The following SINHCAF variants were observed in gnomAD, a reference collection of about 807,000 sequenced individuals.
The protein encoded by SINHCAF is SIN3-HDAC complex associated factor.
Under a neutral mutation model 25.8 loss-of-function variants are expected in SINHCAF, and 3 were observed. The ratio of observed to expected loss-of-function variants is 0.12; its 90% CI spans 0.05 to 0.30. SINHCAF has a LOEUF of 0.30. Among genes scored for constraint, SINHCAF ranks in the 10% least tolerant of loss-of-function variants. The pLI, the probability that SINHCAF is intolerant of heterozygous loss-of-function variation, is 1.00. For missense variants in SINHCAF, 121 were observed against 262.3 expected, an observed-to-expected ratio of 0.46 and a Z score of 3.72; for synonymous variants, 70 against 85.5, an observed-to-expected ratio of 0.82 and a Z score of 1.00.
chr12:31,324,972 G>T lies in SINHCAF; in HGVS notation c.-21+1052C>A, dbSNP rs774949889. ...CTGCCGGCCGGACCTGCCCGACGGCGGCCGCATCCCACGGCTCACGCGGGG... is the reference window on the plus strand; with the variant it reads ...CTGCCGGCCGGACCTGCCCGACGGCTGCCGCATCCCACGGCTCACGCGGGG... On this transcript the variant is annotated intron_variant, in intron 1 of 5. Coordinates refer to ENST00000337682, the MANE Select transcript of SINHCAF (RefSeq NM_001135812.2). The surrounding 1 kb of genome is among the most constrained non-coding windows in gnomAD (Gnocchi z 5.5). 8.8e-6 allele frequency: 4 copies of T among 456,606 alleles called. No individual in the cohort carries two copies. The highest frequency in any genetic ancestry group is 1.5e-5 in the South Asian group (1 of 64,550). 28.3% of individuals were successfully genotyped at this position (456,606 alleles called of 1,614,324 possible). A position where few individuals can be genotyped will look rare whatever the true frequency, so the allele number is the denominator to read the frequency against.
At chr12:31,298,324 T>C (rs1426927681) in intron 1 of SINHCAF, 100 bp from the exon 2 acceptor site, 1 of 1,400,146 alleles carries the variant, frequency 7.1e-7, no homozygotes, top group Non-Finnish European at 1.0e-6. Context: ...CAACTTGGTG[T>C]TATATGACCA....
chr12:31,314,456 G>A (rs1939418210), intron 1 of SINHCAF, among the ~76,000 whole-genome samples: 3 of 152,084 alleles, frequency 2.0e-5, no homozygotes, highest in South Asian at 4.1e-4. Context: ...AACCCGGGAG[G>A]CGGAGTTTGC....
Position 31,282,629 on chromosome 12 carries a change from A to C in SINHCAF, c.*83T>G. 7.8e-7 allele frequency: 1 copy of C among 1,284,246 alleles called. No individual in the cohort carries two copies. The highest frequency in any genetic ancestry group is 1.1e-6 in the Non-Finnish European group (1 of 941,614). The allele number at this position is 1,284,246 out of a possible 1,614,324, so 79.6% of individuals were successfully genotyped here. A position where few individuals can be genotyped will look rare whatever the true frequency, so the allele number is the denominator to read the frequency against. ...AAGAGCAAAACTCCGTCTCAAAAAAAAAAGAGGGTCAGTTTGTAGCTTTGT... is the reference window on the plus strand; with the variant it reads ...AAGAGCAAAACTCCGTCTCAAAAAACAAAGAGGGTCAGTTTGTAGCTTTGT... On this transcript the variant is annotated 3_prime_UTR_variant, in exon 6 of 6. Transcript: ENST00000337682.
intron 5 of SINHCAF, among the ~76,000 whole-genome samples, chr12:31,286,015 G>A (rs375294670): frequency 6.6e-6 from 1 of 151,462 alleles, no homozygotes; most frequent in Non-Finnish European, 1.5e-5. Context: ...CAAACAAAGT[G>A]GTTTAAAGTA....
intron 4 of SINHCAF, 31 bp downstream of exon 4, chr12:31,293,774 T>C (rs372831979): frequency 1.7e-4 from 270 of 1,560,478 alleles, no homozygotes; most frequent in Non-Finnish European, 2.1e-4. Flanking sequence ...AAAACAATTA[T>C]TAAGTACTAA....
intron 1 of SINHCAF, among the ~76,000 whole-genome samples, chr12:31,313,305 G>A (rs1275907491): frequency 6.6e-6 from 1 of 152,204 alleles, no homozygotes; most frequent in African/African-American, 2.4e-5. Context: ...GGGATTACAG[G>A]TGTGAGCCAC....
chr12:31,297,337 T>C (rs1938590367), intron 2 of SINHCAF, among the ~76,000 whole-genome samples: 1 of 152,114 alleles, frequency 6.6e-6, no homozygotes, highest in African/African-American at 2.4e-5. Context: ...TTGTTTGTAT[T>C]TTTTGTAGAG....
At chr12:31,310,610 T>C (rs989759557) in intron 1 of SINHCAF, among the ~76,000 whole-genome samples, 2 of 152,242 alleles carry the variant, frequency 1.3e-5, no homozygotes, top group African/African-American at 4.8e-5. Context: ...TTCATCATTG[T>C]GCAGGACAAC....
At chr12:31,323,164 CTG>C (rs1484439374) in intron 1 of SINHCAF, among the ~76,000 whole-genome samples, 1 of 152,196 alleles carries the variant, frequency 6.6e-6, no homozygotes, top group Admixed American at 6.5e-5. Flanking sequence ...CCACCAAACA[CTG>C]AGTCACGCAT....
In SINHCAF at chr12:31,313,182, G is replaced by A. The variant is rs577148844; in HGVS notation, c.-21+12842C>T. 3.3e-5 allele frequency among the ~76,000 whole-genome samples: 5 copies of A among 151,770 alleles called. 1 individual carries two copies. The highest frequency in any genetic ancestry group is 2.0e-4 in the Admixed American group (3 of 15,254). ...TGAGATTACAGGTACCCGCCACCAC[G>A]CCCAGCTATTTTTTTTTTGTATTTT... On this transcript the variant is annotated intron_variant, in intron 1 of 5. Coordinates refer to ENST00000337682, the MANE Select transcript of SINHCAF (RefSeq NM_001135812.2).
chr12:31,298,358 A>C (rs769420803), intron 1 of SINHCAF, 134 bp from the exon 2 acceptor site: 3 of 934,042 alleles, frequency 3.2e-6, no homozygotes, highest in Admixed American at 2.0e-5. Flanking sequence ...GCTCAAGGGA[A>C]GACCTCCTGG....
chr12:31,314,296 G>A (rs1051974084), intron 1 of SINHCAF, among the ~76,000 whole-genome samples: 4 of 151,812 alleles, frequency 2.6e-5, no homozygotes, highest in Non-Finnish European at 4.4e-5. Context: ...GAGGCGAGGC[G>A]GGCGGATCAC....
At chr12:31,302,936 AT>A (rs1938867545) in intron 1 of SINHCAF, 1 of 985,176 alleles carries the variant, frequency 1.0e-6, no homozygotes, top group African/African-American at 1.7e-5. Context: ...CCATGGTTTT[AT>A]TACCCATATG....
At chr12:31,323,429 AGAAAAGCTTTTCTTAACCCTC>A (rs949591993) in intron 1 of SINHCAF, among the ~76,000 whole-genome samples, 2 of 152,218 alleles carry the variant, frequency 1.3e-5, no homozygotes, top group African/African-American at 4.8e-5. Context: ...TAAAAGAAAA[AGAAAAGCTTTTCTTAACCCTC>A]CTTAGGACAA....
chr12:31,301,618 G>A (rs949053203), intron 1 of SINHCAF, among the ~76,000 whole-genome samples: 2 of 152,096 alleles, frequency 1.3e-5, no homozygotes, highest in African/African-American at 2.4e-5. Context: ...ATACACAGGG[G>A]TTTCATTTCG....
In SINHCAF at chr12:31,321,768, A is replaced by C. The variant is rs57042580; in HGVS notation, c.-21+4256T>G. 6.1e-3 allele frequency among the ~76,000 whole-genome samples: 922 copies of C among 152,298 alleles called. 13 individuals are homozygous for C. Among genetic ancestry groups the C allele is most frequent in the African/African-American group, 0.021 (876 of 41,566 alleles). ...TCTCTTAAGAAAAAACGAAAATGAC[A>C]TACTTTTAAAGCAACCTACTATGTG... On this transcript the variant is annotated intron_variant, in intron 1 of 5. Transcript: ENST00000337682.
intron 4 of SINHCAF, among the ~76,000 whole-genome samples, chr12:31,290,908 G>A (rs553825389): frequency 4.6e-5 from 7 of 152,116 alleles, no homozygotes; most frequent in Non-Finnish European, 8.8e-5. Flanking sequence ...TAGTAGACAC[G>A]GGGTTTCTCC....
At chr12:31,285,561 T>C (rs549651661) in intron 5 of SINHCAF, among the ~76,000 whole-genome samples, 29 of 152,114 alleles carry the variant, frequency 1.9e-4, no homozygotes, top group Non-Finnish European at 3.4e-4. Flanking sequence ...TATGATAAAA[T>C]GTATCATTCT....
At chr12:31,295,858 G>A (rs1482467526) in intron 2 of SINHCAF, among the ~76,000 whole-genome samples, 4 of 151,134 alleles carry the variant, frequency 2.6e-5, no homozygotes, top group Non-Finnish European at 5.9e-5. Context: ...GGCAACAAGA[G>A]CGAGACTCCA....
Sources: gnomAD v4.1 joint callset for allele counts (sites outside exome capture counted in the v4.1 genomes callset) on GRCh38, gnomAD v4.1.1 for gene constraint, Gnocchi (gnomAD v3.1) non-coding constraint, MANE v1.5 for transcripts, NCBI Gene and HGNC (gene_info 2026-07-23, HGNC 2026-07-21) for gene names.